Variants in HYDIN observed in about 807,000 individuals in gnomAD.
HYDIN encodes axonemal central pair apparatus protein HYDIN.
In HYDIN, 132 loss-of-function variants were observed where a neutral mutation model predicts 403.9. That is an observed-to-expected ratio of 0.33 (90% CI 0.28 to 0.38). HYDIN has a LOEUF of 0.38. Ranked by LOEUF, HYDIN falls within the 10% of genes least tolerant of loss-of-function variation. The pLI is 1.00. For missense variants in HYDIN, 2,827 were observed against 5,009.5 expected, an observed-to-expected ratio of 0.56 and a Z score of 13.15; for synonymous variants, 1,202 against 1,891.7, an observed-to-expected ratio of 0.64 and a Z score of 9.46.
At chr16:71,007,441 G>A (rs2079924374) in intron 23 of HYDIN, among the ~76,000 whole-genome samples, 1 of 152,054 alleles carries the variant, frequency 6.6e-6, no homozygotes, top group African/African-American at 2.4e-5. Flanking sequence ...CAGAAAAATT[G>A]GGCTTTGATA....
chr16:71,188,327 C>T (rs1311711373), intron 1 of HYDIN, among the ~76,000 whole-genome samples: 1 of 152,062 alleles, frequency 6.6e-6, no homozygotes, highest in East Asian at 1.9e-4. Context: ...CACAGAAAGC[C>T]TCATTATGTG....
intron 16 of HYDIN, 142 bp from the exon 17 acceptor site, chr16:71,062,475 C>T (rs368731009): frequency 6.5e-6 from 4 of 617,236 alleles, no homozygotes; most frequent in African/African-American, 3.7e-5. Context: ...GGGATGAGCA[C>T]CCCAATTCGG....
intron 47 of HYDIN, 42 bp from the exon 48 acceptor site, chr16:70,908,903 T>C (rs1004623492): frequency 6.2e-7 from 1 of 1,606,186 alleles, no homozygotes; most frequent in African/African-American, 1.3e-5. Flanking sequence ...ATTCACTTTT[T>C]GTACACACAA....
At chr16:71,158,424 C>A (rs1448895571) in intron 6 of HYDIN, among the ~76,000 whole-genome samples, 2 of 151,296 alleles carry the variant, frequency 1.3e-5, no homozygotes, top group African/African-American at 4.9e-5. Context: ...TTTTTTTTTG[C>A]AACTTCACAC....
intron 29 of HYDIN, among the ~76,000 whole-genome samples, chr16:70,981,162 G>GT (rs1261027285): frequency 1.3e-5 from 2 of 152,160 alleles, no homozygotes; most frequent in Admixed American, 1.3e-4. Flanking sequence ...CCCTCTGTCA[G>GT]TAATTCAATA....
chr16:70,816,198 C>T (rs1331186993), intron 84 of HYDIN, among the ~76,000 whole-genome samples: 1 of 152,158 alleles, frequency 6.6e-6, no homozygotes, highest in Non-Finnish European at 1.5e-5. Flanking sequence ...CACAAAACCA[C>T]ACACTGGGCC....
chr16:70,978,856 C>T lies in HYDIN; in HGVS notation c.4638+58G>A. The T allele has an allele frequency of 4.3e-6, 6 of 1,406,120 alleles. No individual in the cohort carries two copies. The South Asian group carries it at 7.6e-5, about 18-fold the overall frequency. The allele number at this position is 1,406,120 out of a possible 1,614,324, so 87.1% of individuals were successfully genotyped here. ...GTGCCCTCTGCACACAACTCCTATG[C>T]ACTCTGCACGCACCACCCTCCTGCA... On this transcript the variant is annotated intron_variant, in intron 30 of 85. Coordinates refer to ENST00000393567, the MANE Select transcript of HYDIN (RefSeq NM_001270974.2).
intron 23 of HYDIN, among the ~76,000 whole-genome samples, chr16:71,006,689 C>G (rs1000034965): frequency 2.6e-5 from 4 of 151,540 alleles, no homozygotes; most frequent in African/African-American, 9.7e-5. Flanking sequence ...TGGGAGCCAC[C>G]ACCCAGAGGA....
chr16:71,197,503 G>T (rs1310657048), intron 1 of HYDIN, among the ~76,000 whole-genome samples: 1 of 152,162 alleles, frequency 6.6e-6, no homozygotes, highest in African/African-American at 2.4e-5. Context: ...CAATGAGGTA[G>T]ATAAGAGATA....
At chr16:70,834,890 G>A (rs186524526) in intron 78 of HYDIN, among the ~76,000 whole-genome samples, 221 of 143,516 alleles carry the variant, frequency 1.5e-3, no homozygotes, top group Middle Eastern at 0.011. Flanking sequence ...GTGTGTGTGT[G>A]TATATATATA....
intron 1 of HYDIN, among the ~76,000 whole-genome samples, chr16:71,210,276 A>G (rs555245167): frequency 6.6e-6 from 1 of 152,254 alleles, no homozygotes; most frequent in Non-Finnish European, 1.5e-5. Context: ...CATCAATGGT[A>G]GACTCAATAA....
At chr16:71,145,998 T>C (rs1368906578) in intron 7 of HYDIN, among the ~76,000 whole-genome samples, 2 of 152,164 alleles carry the variant, frequency 1.3e-5, no homozygotes, top group African/African-American at 2.4e-5. Context: ...ACTCAACAAA[T>C]AGCGTTTTTT....
chr16:71,127,247 G>A (rs962339299), intron 9 of HYDIN, among the ~76,000 whole-genome samples: 4 of 149,560 alleles, frequency 2.7e-5, no homozygotes, highest in Non-Finnish European at 5.9e-5. Context: ...TAGCACAGGA[G>A]GAAAACAAAA....
chr16:70,810,128 T>C, intron 84 of HYDIN, 121 bp from the exon 85 acceptor site: 1 of 896,442 alleles, frequency 1.1e-6, no homozygotes. Context: ...GATCATGCTG[T>C]TCTTGCTCCT....
intron 58 of HYDIN, among the ~76,000 whole-genome samples, chr16:70,887,934 C>T (rs1487063221): frequency 1.3e-5 from 2 of 152,206 alleles, no homozygotes; most frequent in South Asian, 2.1e-4. Context: ...CCGCTTGCCT[C>T]GGCCTCCCAA....
chr16:71,020,840 T>C (rs1375859521), intron 21 of HYDIN, among the ~76,000 whole-genome samples: 1 of 142,924 alleles, frequency 7.0e-6, no homozygotes, highest in Non-Finnish European at 1.5e-5. Context: ...TCATGTGATG[T>C]ATAGTGGACT....
intron 18 of HYDIN, among the ~76,000 whole-genome samples, chr16:71,049,565 T>C (rs2081566940): frequency 6.6e-6 from 1 of 152,226 alleles, no homozygotes; most frequent in African/African-American, 2.4e-5. Context: ...ACATCCTCCA[T>C]ATCAGATTGA....
chr16:71,219,081 T>C (rs1158775765), intron 1 of HYDIN, among the ~76,000 whole-genome samples: 1 of 152,206 alleles, frequency 6.6e-6, no homozygotes, highest in African/African-American at 2.4e-5. Context: ...TAGGGATTTT[T>C]TCAAAGCCAC....
At chr16:70,815,479 A>G (rs1434963028) in intron 84 of HYDIN, among the ~76,000 whole-genome samples, 1 of 150,520 alleles carries the variant, frequency 6.6e-6, no homozygotes, top group Admixed American at 6.6e-5. Context: ...CATTTAAATT[A>G]TAAGGTCACA....
Sources: gnomAD v4.1 joint callset for allele counts (sites outside exome capture counted in the v4.1 genomes callset) on GRCh38, gnomAD v4.1.1 for gene constraint, MANE v1.5 for transcripts, NCBI Gene and HGNC (gene_info 2026-07-23, HGNC 2026-07-21) for gene names.